EPS8L2: variants seen among roughly 807,000 people sequenced by gnomAD.
EPS8L2 encodes EPS8 signaling adaptor L2, also known as epidermal growth factor receptor kinase substrate 8-like protein 2.
In EPS8L2, 81 loss-of-function variants were observed where a neutral mutation model predicts 99.4. The ratio of observed to expected loss-of-function variants is 0.82; its 90% CI spans 0.68 to 0.98. The LOEUF is 0.98. Among genes scored for constraint, EPS8L2 ranks in the 50% least tolerant of loss-of-function variants. The probability of loss-of-function intolerance (pLI) is 0.00; values close to 1 mark genes in which losing one functional copy is unlikely to be tolerated. For synonymous variants in EPS8L2, 509 were observed against 407.3 expected, an observed-to-expected ratio of 1.25 and a Z score of -3.01; for missense variants, 1,155 against 968.8, an observed-to-expected ratio of 1.19 and a Z score of -2.55.
In EPS8L2 at chr11:707,650, T is replaced by C. The variant is rs1861762692; in HGVS notation, c.-79+1362T>C. On this transcript the variant is annotated intron_variant, in intron 1 of 20. Coordinates refer to ENST00000318562, the MANE Select transcript of EPS8L2 (RefSeq NM_022772.4). ...AGGGCAGGAGGCAGCCCCATACCCA[T>C]GTGCTTCAGACCCAGACACCACACC... Among the ~76,000 whole-genome samples, 5 of 151,874 alleles carry C rather than the reference T, an allele frequency of 3.3e-5. No individual in the cohort carries two copies. In the South Asian group the frequency reaches 1.0e-3, roughly 32 times the overall value.
intron 14 of EPS8L2, 29 bp from the exon 15 acceptor site, chr11:723,212 C>A: frequency 7.4e-7 from 1 of 1,353,738 alleles, no homozygotes; most frequent in Non-Finnish European, 1.0e-6. Flanking sequence ...CGCCCCATGT[C>A]TAACTCAGGT....
In EPS8L2 at chr11:722,550, G is replaced by A; in HGVS notation, c.1208+1G>A. 1 of 1,612,780 alleles carries A rather than the reference G, an allele frequency of 6.2e-7. No homozygotes were observed. The highest frequency in any genetic ancestry group is 8.5e-7 in the Non-Finnish European group (1 of 1,179,820). On this transcript the variant is annotated splice_donor_variant, in intron 13 of 20. Transcript: ENST00000318562. LOFTEE classifies it high-confidence loss of function. ...TGGGAGAGAGCTGGATGCGGCCCCGGTAGGGCAGGGCAGAGCAGTGCCGGG... is the reference window on the plus strand; with the variant it reads ...TGGGAGAGAGCTGGATGCGGCCCCGATAGGGCAGGGCAGAGCAGTGCCGGG...
In EPS8L2 at chr11:710,394, G is replaced by C. The variant is rs754310926; in HGVS notation, c.101-28G>C. ...GGGAGGCTGTGGGTCCTGCCCGTCG[G>C]GGGAGTGACTGGTGTCTCCCGGTTC... On this transcript the variant is annotated intron_variant, in intron 3 of 20. Transcript: ENST00000318562. 10 of 1,611,688 alleles carry C rather than the reference G, an allele frequency of 6.2e-6. No individual in the cohort carries two copies. In the Admixed American group the frequency reaches 1.5e-4, roughly 24 times the overall value.
intron 16 of EPS8L2, 32 bp from the exon 17 acceptor site, chr11:725,696 G>A (rs1862293944): frequency 1.5e-6 from 2 of 1,308,710 alleles, no homozygotes; most frequent in Non-Finnish European, 1.9e-6. Flanking sequence ...CAGAGCCTGG[G>A]TGTGGGGAGG....
At chr11:714,540 G>A (rs1013747856) in intron 4 of EPS8L2, among the ~76,000 whole-genome samples, 3 of 151,454 alleles carry the variant, frequency 2.0e-5, no homozygotes, top group African/African-American at 7.3e-5. Context: ...CAGTTCCTGT[G>A]TTTTCTTTTG....
rs767165402 is a variant in EPS8L2 at position 721,750 on chromosome 11, G to A, written c.895+59G>A. 15 of 1,569,898 alleles carry A rather than the reference G, an allele frequency of 9.6e-6. No individual in the cohort carries two copies. In the South Asian group the frequency reaches 1.0e-4, roughly 11 times the overall value. ...GGGGACGGGGCCAGCAGGTGCAGGG[G>A]ACAGGGACGGGGACGGGGCCAGGGA... On this transcript the variant is annotated intron_variant, in intron 10 of 20. Coordinates refer to ENST00000318562, the MANE Select transcript of EPS8L2 (RefSeq NM_022772.4).
intron 4 of EPS8L2, among the ~76,000 whole-genome samples, chr11:714,670 T>G (rs999208877): frequency 2.2e-4 from 18 of 80,938 alleles, no homozygotes; most frequent in Non-Finnish European, 3.5e-4. Flanking sequence ...TTTTATTTTA[T>G]TTTATTTTTT....
intron 5 of EPS8L2, 179 bp from the exon 6 acceptor site, chr11:720,418 G>T: frequency 8.7e-7 from 1 of 1,155,240 alleles, no homozygotes. Context: ...TTTGGAAGCC[G>T]GGGTCAGCCT....
chr11:709,716 G>A, intron 3 of EPS8L2, 108 bp downstream of exon 3: 1 of 1,325,768 alleles, frequency 7.5e-7, no homozygotes, highest in Admixed American at 2.0e-5. Context: ...TCTGGCCCAG[G>A]GGATCTCCGG....
intron 4 of EPS8L2, among the ~76,000 whole-genome samples, chr11:711,669 C>T (rs748919504): frequency 1.3e-5 from 2 of 152,062 alleles, no homozygotes; most frequent in East Asian, 3.9e-4. Flanking sequence ...GATCCCACCA[C>T]GGCCCTCCAG....
chr11:721,089 C>T lies in EPS8L2; in HGVS notation c.583C>T (p.Arg195Trp), dbSNP rs998723580. 17 of 1,508,240 alleles carry T rather than the reference C, an allele frequency of 1.1e-5. No individual in the cohort carries two copies. The highest frequency in any genetic ancestry group is 1.3e-5 in the Non-Finnish European group (15 of 1,128,830). The allele number at this position is 1,508,240 out of a possible 1,614,324, so 93.4% of individuals were successfully genotyped here. A position where few individuals can be genotyped will look rare whatever the true frequency, so the allele number is the denominator to read the frequency against. The change falls in exon 8 of 21, where the codon CGG becomes TGG. Residue 195 changes from arginine (R) to tryptophan (W), a missense_variant. Arg to Trp is a moderately radical substitution (Grantham distance 101). Coordinates refer to ENST00000318562, the MANE Select transcript of EPS8L2 (RefSeq NM_022772.4). The part of the protein sequence containing the change: ...LKGHQEKIRQ[R>W]QSILPPPQGP... Reference sequence around the variant, plus strand: ...GGGACACCAGGAGAAGATTCGGCAGCGGCAGTCCATCCTGCCTCCTCCCCA... The same window carrying T: ...GGGACACCAGGAGAAGATTCGGCAGTGGCAGTCCATCCTGCCTCCTCCCCA...
At chr11:713,955 C>T (rs1475347227) in intron 4 of EPS8L2, among the ~76,000 whole-genome samples, 1 of 152,188 alleles carries the variant, frequency 6.6e-6, no homozygotes, top group Non-Finnish European at 1.5e-5. Context: ...CCAGGCTGGT[C>T]CCCAGTGCCT....
intron 4 of EPS8L2, among the ~76,000 whole-genome samples, chr11:715,625 T>TG (rs202237789): frequency 4.8e-5 from 7 of 144,334 alleles, no homozygotes; most frequent in Non-Finnish European, 1.1e-4. Context: ...TTTGTTTTTT[T>TG]TTTTTTTTTT....
Position 720,744 on chromosome 11 carries a change from G to A in EPS8L2, c.475G>A (p.Glu159Lys), listed in dbSNP as rs909888133. ...CCACTTCTTCCACTGCGATGAGGTG[G>A]AGGTGAGGCGGTGCCGGGCGGGGCA... ...DVHFFHCDEV[E>K]AELVHEDIES... Residue 159 changes from glutamate to lysine, a missense_variant and splice_region_variant, in exon 6 of 21, where the codon GAG (glutamate) becomes AAG (lysine). Coordinates refer to ENST00000318562, the MANE Select transcript of EPS8L2 (RefSeq NM_022772.4). The A allele has an allele frequency of 3.8e-6, 6 of 1,564,520 alleles. No individual in the cohort carries two copies. The highest frequency in any genetic ancestry group is 5.2e-6 in the Non-Finnish European group (6 of 1,155,890).
At chr11:720,411 G>C in intron 5 of EPS8L2, 186 bp from the exon 6 acceptor site, 1 of 1,135,300 alleles carries the variant, frequency 8.8e-7, no homozygotes, top group Non-Finnish European at 1.2e-6. Context: ...AGGGAAGTTT[G>C]GAAGCCGGGG....
intron 9 of EPS8L2, 97 bp downstream of exon 9, chr11:721,449 C>T: frequency 9.4e-6 from 14 of 1,487,168 alleles, no homozygotes; most frequent in Non-Finnish European, 1.2e-5. Context: ...CAGCCTGTGG[C>T]TGCCCCTCCG....
At chr11:709,523 G>A (rs1426952222) in intron 2 of EPS8L2, 30 bp from the exon 3 acceptor site, 2 of 1,358,578 alleles carry the variant, frequency 1.5e-6, no homozygotes, top group Admixed American at 1.9e-5. Context: ...GGTGCAGTTT[G>A]GCCCTGCCCT....
intron 4 of EPS8L2, among the ~76,000 whole-genome samples, chr11:719,069 G>T (rs1169716584): frequency 1.5e-5 from 2 of 134,972 alleles, no homozygotes; most frequent in Non-Finnish European, 3.2e-5. Flanking sequence ...GGGTTCAAGT[G>T]ATTCTCCCAC....
chr11:713,247 T>C (rs913893126), intron 4 of EPS8L2, among the ~76,000 whole-genome samples: 2 of 152,214 alleles, frequency 1.3e-5, no homozygotes, highest in Admixed American at 1.3e-4. Context: ...GTAAAAGCCA[T>C]GTGTACGTGG....
Sources: gnomAD v4.1 joint callset for allele counts (sites outside exome capture counted in the v4.1 genomes callset) on GRCh38, gnomAD v4.1.1 for gene constraint, MANE v1.5 for transcripts, NCBI Gene and HGNC (gene_info 2026-07-23, HGNC 2026-07-21) for gene names.